MBD3L2B: variants seen among roughly 807,000 people sequenced by gnomAD.
MBD3L2B encodes methyl-CpG binding domain protein 3 like 2B, also known as methyl-CpG-binding domain protein 3-like 2B.
For missense variants in MBD3L2B, 127 were observed against 78.7 expected (o/e 1.61, Z -2.32); for synonymous variants, 50 against 31.6 (o/e 1.58, Z -1.95).
At position 7,019,213 on chromosome 19, in the gene MBD3L2B, C is replaced by A. The variant is rs755081109; in HGVS notation, c.563G>T (p.Arg188Ile). The A allele has an allele frequency of 1.4e-6, 1 of 718,338 alleles. No homozygotes were observed. The highest frequency in any genetic ancestry group is 1.5e-5 in the South Asian group (1 of 67,576). The allele number at this position is 718,338 out of a possible 1,614,324, so 44.5% of individuals were successfully genotyped here. ...QARRVKKARE[R>I]LAKALQADRL... Reference sequence around the variant, plus strand: ...GTCTGCCTGCAAGGCCTTGGCCAGTCTCTCCCTGGCTTTCTTCACCCTCCT... The same window carrying A: ...GTCTGCCTGCAAGGCCTTGGCCAGTATCTCCCTGGCTTTCTTCACCCTCCT... Residue 188 changes from arginine to isoleucine, a missense_variant, in exon 2 of 2, where the codon AGA becomes ATA. Arg to Ile is a moderately conservative substitution (Grantham distance 97). Transcript: ENST00000636986.
chr19:7,019,021 C>T lies in MBD3L2B; in HGVS notation c.*140G>A. On this transcript the variant is annotated 3_prime_UTR_variant, in exon 2 of 2. Transcript: ENST00000636986. ...ACTGGTGGGGAAGTACAAAGTGTGA[C>T]AATTCATAGCAGGAAAGAGGACGGG... The T allele has an allele frequency of 1.5e-6, 1 of 680,998 alleles. No homozygotes were observed. Among genetic ancestry groups the T allele is most frequent in the Non-Finnish European group, 2.7e-6 (1 of 371,886 alleles). The allele number at this position is 680,998 out of a possible 1,614,324, so 42.2% of individuals were successfully genotyped here. A position where few individuals can be genotyped will look rare whatever the true frequency, so the allele number is the denominator to read the frequency against.
chr19:7,019,285 G>T lies in MBD3L2B; in HGVS notation c.491C>A (p.Pro164His), dbSNP rs1224765523. The change falls in exon 2 of 2, where the codon CCC becomes CAC. Residue 164 changes from proline (P) to histidine (H), a missense_variant. Coordinates refer to ENST00000636986, the MANE Select transcript of MBD3L2B (RefSeq NM_001364674.2). ...AGGAGTCACCAATTGGCCAGAGAGG[G>T]GCGGTGGGAGCTGACAACCCATTCC... ...TPGMGCQLPPPLSGQLVTPAD... is the reference protein window; with the variant it reads ...TPGMGCQLPPHLSGQLVTPAD... 5.7e-6 allele frequency: 4 copies of T among 704,786 alleles called. No individual in the cohort carries two copies. In the African/African-American group the frequency reaches 7.2e-5, roughly 13 times the overall value. 43.7% of individuals were successfully genotyped at this position (704,786 alleles called of 1,614,324 possible). A position where few individuals can be genotyped will look rare whatever the true frequency, so the allele number is the denominator to read the frequency against.
rs759714602 is a variant in MBD3L2B at position 7,018,998 on chromosome 19, T to G, written c.*163A>C. ...CTTTCAAATGCTTTTAATAAAGAAC[T>G]GGTGGGGAAGTACAAAGTGTGACAA... On this transcript the variant is annotated 3_prime_UTR_variant, in exon 2 of 2. Transcript: ENST00000636986. 6.0e-6 allele frequency: 4 copies of G among 662,284 alleles called. No individual in the cohort carries two copies. The highest frequency in any genetic ancestry group is 1.1e-5 in the Non-Finnish European group (4 of 365,894). The allele number at this position is 662,284 out of a possible 1,614,324, so 41.0% of individuals were successfully genotyped here. A position where few individuals can be genotyped will look rare whatever the true frequency, so the allele number is the denominator to read the frequency against.
rs149626120 is a variant in MBD3L2B at position 7,019,079 on chromosome 19, G to A, written c.*82C>T. ...AGATAGGGATTCAAAACCCAGGACT[G>A]TCCCCACTGACTCACCCCCCAACTG... On this transcript the variant is annotated 3_prime_UTR_variant, in exon 2 of 2. Coordinates refer to ENST00000636986, the MANE Select transcript of MBD3L2B (RefSeq NM_001364674.2). The A allele has an allele frequency of 4.5e-3, 3,213 of 715,952 alleles. 36 individuals carry two copies. The highest frequency in any genetic ancestry group is 0.018 in the South Asian group (1,241 of 67,486). The allele number at this position is 715,952 out of a possible 1,614,324, so 44.3% of individuals were successfully genotyped here. A position where few individuals can be genotyped will look rare whatever the true frequency, so the allele number is the denominator to read the frequency against.
Position 7,019,201 on chromosome 19 carries a change from G to A in MBD3L2B, c.575C>T (p.Ala192Val). 1.4e-6 allele frequency: 1 copy of A among 718,632 alleles called. No homozygotes were observed. The highest frequency in any genetic ancestry group is 2.6e-6 in the Non-Finnish European group (1 of 385,240). The allele number at this position is 718,632 out of a possible 1,614,324, so 44.5% of individuals were successfully genotyped here. Residue 192 changes from alanine (A) to valine (V), a missense_variant, in exon 2 of 2, where the codon GCC (alanine) becomes GTC (valine). Physicochemically the swap from Ala to Val is moderately conservative, Grantham distance 64. Transcript: ENST00000636986. ...CCTGGCCAGCCTGTCTGCCTGCAAG[G>A]CCTTGGCCAGTCTCTCCCTGGCTTT... ...VKKARERLAK[A>V]LQADRLARRA...
rs551698935 is a variant in MBD3L2B at position 7,019,107 on chromosome 19, G to C, written c.*54C>G. ...CCCACTGACTCACCCCCCAACTGCG[G>C]GGCCACACCCCACAGCTTCTCAGCA... On this transcript the variant is annotated 3_prime_UTR_variant, in exon 2 of 2. Coordinates refer to ENST00000636986, the MANE Select transcript of MBD3L2B (RefSeq NM_001364674.2). 6.1e-5 allele frequency: 44 copies of C among 717,922 alleles called. No homozygotes were observed. The East Asian group carries it at 9.9e-4, about 16-fold the overall frequency. 44.5% of individuals were successfully genotyped at this position (717,922 alleles called of 1,614,324 possible).
In MBD3L2B at chr19:7,019,175, G is replaced by A. The variant is rs373185857; in HGVS notation, c.601C>T (p.Arg201Trp). Residue 201 changes from arginine to tryptophan, a missense_variant, in exon 2 of 2, where the codon CGG becomes TGG. Arg to Trp is a moderately radical substitution (Grantham distance 101, BLOSUM62 -3). Coordinates refer to ENST00000636986, the MANE Select transcript of MBD3L2B (RefSeq NM_001364674.2). ...TCATCCACCTGTCACATTTCTGCCC[G>A]CCTGGCCAGCCTGTCTGCCTGCAAG... ...KALQADRLAR[R>W]AEM is the part of the protein sequence containing the mutation. The A allele has an allele frequency of 1.7e-4, 121 of 718,906 alleles. No homozygotes were observed. The highest frequency in any genetic ancestry group is 1.3e-3 in the South Asian group (86 of 67,628). The allele number at this position is 718,906 out of a possible 1,614,324, so 44.5% of individuals were successfully genotyped here. A position where few individuals can be genotyped will look rare whatever the true frequency, so the allele number is the denominator to read the frequency against.
chr19:7,019,009 T>G lies in MBD3L2B; in HGVS notation c.*152A>C, dbSNP rs1411425048. On this transcript the variant is annotated 3_prime_UTR_variant, in exon 2 of 2. Transcript: ENST00000636986. ...TTTTAATAAAGAACTGGTGGGGAAG[T>G]ACAAAGTGTGACAATTCATAGCAGG... is the stretch of plus-strand genomic sequence containing the variant. The G allele has an allele frequency of 2.4e-5, 16 of 673,856 alleles. No individual in the cohort carries two copies. The highest frequency in any genetic ancestry group is 7.1e-5 in the African/African-American group (4 of 56,612). The allele number at this position is 673,856 out of a possible 1,614,324, so 41.7% of individuals were successfully genotyped here.
Position 7,019,163 on chromosome 19 carries a change from A to T in MBD3L2B, c.613T>A (p.Ter205ArgextTer?), listed in dbSNP as rs1568391049. ...TCCTCCTGCACTTCATCCACCTGTCACATTTCTGCCCGCCTGGCCAGCCTG... is the reference window on the plus strand; with the variant it reads ...TCCTCCTGCACTTCATCCACCTGTCTCATTTCTGCCCGCCTGGCCAGCCTG... ...ADRLARRAEM[*>R] The change falls in exon 2 of 2, where the codon TGA becomes AGA. Residue 205 changes from the stop codon to arginine, a stop_lost. Transcript: ENST00000636986. 1 of 718,688 alleles carries T rather than the reference A, an allele frequency of 1.4e-6. No homozygotes were observed. Among genetic ancestry groups the T allele is most frequent in the South Asian group, 1.5e-5 (1 of 67,624 alleles). 44.5% of individuals were successfully genotyped at this position (718,688 alleles called of 1,614,324 possible). A position where few individuals can be genotyped will look rare whatever the true frequency, so the allele number is the denominator to read the frequency against.
At position 7,019,524 on chromosome 19, in the gene MBD3L2B, C is replaced by T. The variant is rs1307603484; in HGVS notation, c.252G>A (p.Pro84=). Residue 84 remains proline (P), a synonymous_variant, in exon 2 of 2, where the codon CCG becomes CCA. Coordinates refer to ENST00000636986, the MANE Select transcript of MBD3L2B (RefSeq NM_001364674.2). ...GTCTCCGGTAGGCGCAGAGTTGCTG[C>T]GGCTTCTCCAGGTGCTCGTCCCCTT... ...RRKGDEHLEK[P]QQLCAYRRLQ... 3.9e-5 allele frequency: 18 copies of T among 464,176 alleles called. No individual in the cohort carries two copies. Among genetic ancestry groups the T allele is most frequent in the South Asian group, 1.5e-4 (7 of 46,354 alleles). The allele number at this position is 464,176 out of a possible 1,614,324, so 28.8% of individuals were successfully genotyped here.
intron 1 of MBD3L2B, among the ~76,000 whole-genome samples, chr19:7,020,994 T>TTTTTTTGTTTTTTG (rs1976778188): frequency 1.4e-4 from 1 of 7,248 alleles, no homozygotes; most frequent in Non-Finnish European, 1.8e-4. Flanking sequence ...GAACTAAAAT[T>TTTTTTTGTTTTTTG]TTTTTTTAAA....
At position 7,019,614 on chromosome 19, in the gene MBD3L2B, G is replaced by C. The variant is rs1326273105; in HGVS notation, c.162C>G (p.Ser54Arg). 2.4e-6 allele frequency: 1 copy of C among 410,762 alleles called. No individual in the cohort carries two copies. The highest frequency in any genetic ancestry group is 2.3e-5 in the South Asian group (1 of 43,960). The allele number at this position is 410,762 out of a possible 1,614,324, so 25.4% of individuals were successfully genotyped here. ...TTGTCACCGGCCTCCGGAAGATGCA[G>C]CTGGTGAGTCTCATGGGGAGAGCAG... ...ARSALPMRLT[S>R]CIFRRPVTRI... Residue 54 changes from serine (S) to arginine (R), a missense_variant, in exon 2 of 2, where the codon AGC becomes AGG. By Grantham distance (110) the Ser-to-Arg change is moderately radical. Coordinates refer to ENST00000636986, the MANE Select transcript of MBD3L2B (RefSeq NM_001364674.2).
Position 7,019,002 on chromosome 19 carries a change from G to A in MBD3L2B, c.*159C>T. The A allele has an allele frequency of 3.0e-6, 2 of 667,444 alleles. No homozygotes were observed. The highest frequency in any genetic ancestry group is 6.6e-4 in the Middle Eastern group (2 of 3,040). The allele number at this position is 667,444 out of a possible 1,614,324, so 41.3% of individuals were successfully genotyped here. On this transcript the variant is annotated 3_prime_UTR_variant, in exon 2 of 2. Coordinates refer to ENST00000636986, the MANE Select transcript of MBD3L2B (RefSeq NM_001364674.2). Reference sequence around the variant, plus strand: ...CAAATGCTTTTAATAAAGAACTGGTGGGGAAGTACAAAGTGTGACAATTCA... The same window carrying A: ...CAAATGCTTTTAATAAAGAACTGGTAGGGAAGTACAAAGTGTGACAATTCA...
rs1976758261 is a variant in MBD3L2B, at chr19:7,018,970, T to TAAAA, written c.*190_*191insTTTT. ...CAAAACCATCCACTCCTTACACTGT[T>TAAAA]GCCTTTCAAATGCTTTTAATAAAGA... On this transcript the variant is annotated 3_prime_UTR_variant, in exon 2 of 2. Transcript: ENST00000636986. The TAAAA allele has an allele frequency of 4.6e-6, 3 of 651,456 alleles. No homozygotes were observed. The Admixed American group carries it at 6.9e-5, about 15-fold the overall frequency. 40.4% of individuals were successfully genotyped at this position (651,456 alleles called of 1,614,324 possible).
Position 7,019,451 on chromosome 19 carries a change from G to A in MBD3L2B, c.325C>T (p.Leu109=), listed in dbSNP as rs1417747884. The A allele has an allele frequency of 5.5e-6, 3 of 549,844 alleles. No individual in the cohort carries two copies. The highest frequency in any genetic ancestry group is 9.5e-6 in the Non-Finnish European group (3 of 314,626). 34.1% of individuals were successfully genotyped at this position (549,844 alleles called of 1,614,324 possible). ...ATACTTAAGACGCTCTCCAAATGCA[G>A]TGGACTTGAACCTTCTCCTTGGCTG... ...CSSQGEGSSP[L]HLESVLSILA... Residue 109 remains leucine, a synonymous_variant, in exon 2 of 2, where the codon CTG becomes TTG. Transcript: ENST00000636986.
Position 7,019,336 on chromosome 19 carries a change from G to A in MBD3L2B, c.440C>T (p.Pro147Leu). ...SPLEPTPGRF[P>L]AVAGGPTPGM... ...TGGGGTTGGCCCCCCTGCCACAGCT[G>A]GAAACCGCCCAGGGGTGGGCTCAAG... The change falls in exon 2 of 2, where the codon CCA (proline) becomes CTA (leucine). Residue 147 changes from proline to leucine, a missense_variant. By Grantham distance (98) the Pro-to-Leu change is moderately conservative (BLOSUM62 -3). Transcript: ENST00000636986. 1.5e-6 allele frequency: 1 copy of A among 684,694 alleles called. No individual in the cohort carries two copies. Among genetic ancestry groups the A allele is most frequent in the South Asian group, 1.5e-5 (1 of 66,380 alleles). The allele number at this position is 684,694 out of a possible 1,614,324, so 42.4% of individuals were successfully genotyped here.
In MBD3L2B at chr19:7,019,436, C is replaced by T. The variant is rs1354051781; in HGVS notation, c.340G>A (p.Val114Ile). 8.7e-6 allele frequency: 5 copies of T among 573,716 alleles called. No individual in the cohort carries two copies. Among genetic ancestry groups the T allele is most frequent in the African/African-American group, 5.6e-5 (2 of 35,592 alleles). The allele number at this position is 573,716 out of a possible 1,614,324, so 35.5% of individuals were successfully genotyped here. A position where few individuals can be genotyped will look rare whatever the true frequency, so the allele number is the denominator to read the frequency against. Residue 114 changes from valine (V) to isoleucine (I), a missense_variant, in exon 2 of 2, where the codon GTC becomes ATC. Val to Ile is a conservative substitution (Grantham distance 29). Coordinates refer to ENST00000636986, the MANE Select transcript of MBD3L2B (RefSeq NM_001364674.2). ...EGSSPLHLES[V>I]LSILAPGTAG... ...GTCCCCGGTGCAAGGATACTTAAGA[C>T]GCTCTCCAAATGCAGTGGACTTGAA... is the stretch of plus-strand genomic sequence containing the variant.
rs933985891 is a variant in MBD3L2B at position 7,019,000 on chromosome 19, G to C, written c.*161C>G. ...TTCAAATGCTTTTAATAAAGAACTGGTGGGGAAGTACAAAGTGTGACAATT... is the reference window on the plus strand; with the variant it reads ...TTCAAATGCTTTTAATAAAGAACTGCTGGGGAAGTACAAAGTGTGACAATT... On this transcript the variant is annotated 3_prime_UTR_variant, in exon 2 of 2. Coordinates refer to ENST00000636986, the MANE Select transcript of MBD3L2B (RefSeq NM_001364674.2). The C allele has an allele frequency of 4.5e-6, 3 of 665,904 alleles. No homozygotes were observed. Among genetic ancestry groups the C allele is most frequent in the South Asian group, 1.7e-5 (1 of 58,912 alleles). The allele number at this position is 665,904 out of a possible 1,614,324, so 41.2% of individuals were successfully genotyped here. A position where few individuals can be genotyped will look rare whatever the true frequency, so the allele number is the denominator to read the frequency against.
rs747089642 is a variant in MBD3L2B, at chr19:7,019,117, C to T, written c.*44G>A. 8.4e-6 allele frequency: 6 copies of T among 718,368 alleles called. 1 individual carries two copies. Among genetic ancestry groups the T allele is most frequent in the South Asian group, 7.4e-5 (5 of 67,602 alleles). 44.5% of individuals were successfully genotyped at this position (718,368 alleles called of 1,614,324 possible). A position where few individuals can be genotyped will look rare whatever the true frequency, so the allele number is the denominator to read the frequency against. On this transcript the variant is annotated 3_prime_UTR_variant, in exon 2 of 2. Transcript: ENST00000636986. ...CACCCCCCAACTGCGGGGCCACACCCCACAGCTTCTCAGCACCCCCTCCTC... is the reference window on the plus strand; with the variant it reads ...CACCCCCCAACTGCGGGGCCACACCTCACAGCTTCTCAGCACCCCCTCCTC...
Sources: gnomAD v4.1 joint callset for allele counts (sites outside exome capture counted in the v4.1 genomes callset) on GRCh38, gnomAD v4.1.1 for gene constraint, MANE v1.5 for transcripts, NCBI Gene and HGNC (gene_info 2026-07-23, HGNC 2026-07-21) for gene names.